FGD5: variants seen among roughly 807,000 people sequenced by gnomAD.
The protein encoded by FGD5 is FYVE, RhoGEF and PH domain containing 5, also known as FYVE, RhoGEF and PH domain-containing protein 5.
Under a neutral mutation model 133.4 loss-of-function variants are expected in FGD5, and 28 were observed. The ratio of observed to expected loss-of-function variants is 0.21; its 90% confidence interval spans 0.16 to 0.29. FGD5 has a LOEUF of 0.29. Ranked by LOEUF, FGD5 falls within the 10% of genes least tolerant of loss-of-function variation. FGD5 has a pLI of 1.00. For missense variants in FGD5, 1,858 were observed against 1,895.2 expected (o/e 0.98, Z 0.36); for synonymous variants, 810 against 776.5 (o/e 1.04, Z -0.72).
intron 11 of FGD5, among the ~76,000 whole-genome samples, chr3:14,913,347 C>G (rs1233506657): frequency 1.3e-5 from 2 of 152,230 alleles, no homozygotes; most frequent in Admixed American, 1.3e-4. Context: ...CCCTCTCTAT[C>G]TAGAGCTATA....
At chr3:14,897,457 A>G in intron 4 of FGD5, 52 bp from the exon 5 acceptor site, 1 of 1,563,930 alleles carries the variant, frequency 6.4e-7, no homozygotes, top group Non-Finnish European at 8.7e-7. Context: ...GCCAAGGAGG[A>G]CTTGTGCTCA....
At chr3:14,889,465 C>G (rs78190600) in intron 4 of FGD5, among the ~76,000 whole-genome samples, 2 of 152,124 alleles carry the variant, frequency 1.3e-5, no homozygotes, top group Admixed American at 1.3e-4. Context: ...TGTCTGTGCT[C>G]CTGTGCATGA....
upstream of FGD5, chr3:14,810,731 G>A (rs549281437): frequency 1.5e-3 from 1,336 of 886,208 alleles, 1 homozygote; most frequent in Admixed American, 5.8e-3. Flanking sequence ...GCCGGGGCCG[G>A]GCGGGCGCCA....
intron 1 of FGD5, among the ~76,000 whole-genome samples, chr3:14,839,154 G>A (rs143814440): frequency 6.6e-6 from 1 of 152,248 alleles, no homozygotes; most frequent in East Asian, 1.9e-4. Flanking sequence ...ACACTAGGAA[G>A]TGGGAAATGC....
At chr3:14,891,160 AGGCTGGGTC>A (rs2038018303) in intron 4 of FGD5, among the ~76,000 whole-genome samples, 1 of 152,128 alleles carries the variant, frequency 6.6e-6, no homozygotes, top group Admixed American at 6.5e-5. Flanking sequence ...GCAGGGCTGG[AGGCTGGGTC>A]CTAAATATGG....
intron 1 of FGD5, among the ~76,000 whole-genome samples, chr3:14,852,810 G>A (rs944862715): frequency 5.3e-5 from 8 of 152,186 alleles, no homozygotes; most frequent in African/African-American, 1.9e-4. Context: ...GGTGCAGGAG[G>A]CATTCTCTCC....
intron 4 of FGD5, among the ~76,000 whole-genome samples, chr3:14,889,224 G>T (rs773546225): frequency 3.5e-4 from 53 of 152,088 alleles, no homozygotes; most frequent in Non-Finnish European, 3.5e-4. Context: ...TGTAACTCTC[G>T]CCCGGATAGA....
At chr3:14,835,111 C>T (rs1274287123) in intron 1 of FGD5, among the ~76,000 whole-genome samples, 5 of 152,198 alleles carry the variant, frequency 3.3e-5, no homozygotes, top group South Asian at 4.1e-4. Flanking sequence ...CCCTGGCAAG[C>T]GTTGCCCCCG....
Position 14,922,625 on chromosome 3 carries a change from C to A in FGD5, c.3807+77C>A. On this transcript the variant is annotated intron_variant, in intron 15 of 19. Transcript: ENST00000285046. The surrounding 1 kb of genome is among the most constrained non-coding windows in gnomAD (Gnocchi z 4.1). The stretch of plus-strand genomic sequence containing the variant: ...GGGCATGTCCCTGCCCAGCCGGGGG[C>A]TCAGGGATGTCCAGCAGCTACTGTA... 1 of 1,506,504 alleles carries A rather than the reference C, an allele frequency of 6.6e-7. No homozygotes were observed. Among genetic ancestry groups the A allele is most frequent in the South Asian group, 1.3e-5 (1 of 79,898 alleles). The allele number at this position is 1,506,504 out of a possible 1,614,324, so 93.3% of individuals were successfully genotyped here. A position where few individuals can be genotyped will look rare whatever the true frequency, so the allele number is the denominator to read the frequency against.
chr3:14,891,501 T>TCAG, intron 4 of FGD5, among the ~76,000 whole-genome samples: 1 of 152,346 alleles, frequency 6.6e-6, no homozygotes, highest in African/African-American at 2.4e-5. Context: ...AGTTCAAGAC[T>TCAG]CAGCCCCTTG....
chr3:14,815,227 G>A (rs1323281362), upstream of FGD5, among the ~76,000 whole-genome samples: 1 of 152,168 alleles, frequency 6.6e-6, no homozygotes, highest in East Asian at 1.9e-4. Flanking sequence ...CGTCCCATCT[G>A]GCCTTGCCGG....
intron 17 of FGD5, among the ~76,000 whole-genome samples, chr3:14,924,607 G>C (rs938461178): frequency 2.0e-5 from 3 of 152,178 alleles, no homozygotes; most frequent in African/African-American, 7.2e-5. Context: ...TTGTATGTCT[G>C]TATTTCCATT....
In FGD5 at chr3:14,921,902, C is replaced by T. The variant is rs1392285711; in HGVS notation, c.3570-16C>T. Reference sequence around the variant, plus strand: ...GAGCTGCTCCTGCCTTTGCTCACTCCAGCCCATGCCCGCAGCTCCTGTGCA... The same window carrying T: ...GAGCTGCTCCTGCCTTTGCTCACTCTAGCCCATGCCCGCAGCTCCTGTGCA... On this transcript the variant is annotated splice_polypyrimidine_tract_variant and intron_variant, in intron 13 of 19. Transcript: ENST00000285046. The T allele has an allele frequency of 6.4e-7, 1 of 1,556,374 alleles. No homozygotes were observed. The highest frequency in any genetic ancestry group is 8.7e-7 in the Non-Finnish European group (1 of 1,149,644).
At chr3:14,848,003 G>A (rs2037082974) in intron 1 of FGD5, among the ~76,000 whole-genome samples, 1 of 152,188 alleles carries the variant, frequency 6.6e-6, no homozygotes, top group Non-Finnish European at 1.5e-5. Flanking sequence ...GCCAGCTGGA[G>A]CCCCGGGCCA....
At chr3:14,877,500 C>T (rs768598797) in intron 2 of FGD5, among the ~76,000 whole-genome samples, 1 of 152,226 alleles carries the variant, frequency 6.6e-6, no homozygotes, top group Non-Finnish European at 1.5e-5. Flanking sequence ...ATCATCTGAC[C>T]TCATCCTGGC....
chr3:14,917,947 C>G lies in FGD5; in HGVS notation c.3489+615C>G, dbSNP rs1224447561. On this transcript the variant is annotated intron_variant, in intron 12 of 19. Transcript: ENST00000285046. This position sits in a 1 kb window ranked among gnomAD's most constrained non-coding sequence, Gnocchi z 4.1. ...GTATTGATCCTTGTTTCACTTAGCACAGTGTCCTCAAGGTTGATCCCTGTC... is the reference window on the plus strand; with the variant it reads ...GTATTGATCCTTGTTTCACTTAGCAGAGTGTCCTCAAGGTTGATCCCTGTC... Among the ~76,000 whole-genome samples, 1 of 152,234 alleles carries G rather than the reference C, an allele frequency of 6.6e-6. No individual in the cohort carries two copies. Among genetic ancestry groups the G allele is most frequent in the Non-Finnish European group, 1.5e-5 (1 of 68,044 alleles).
At chr3:14,867,106 A>G (rs1190486899) in intron 2 of FGD5, among the ~76,000 whole-genome samples, 1 of 152,254 alleles carries the variant, frequency 6.6e-6, no homozygotes, top group East Asian at 1.9e-4. Context: ...TGCACAAGGC[A>G]TGCTCTACCA....
rs548711630 is a variant in FGD5, at chr3:14,917,452, A to G, written c.3489+120A>G. ...GCTGGAAGAGGGAGGCCCTGCGGAA[A>G]CAGTGTTGGGCTACAGCAAGTTTGT... is the stretch of plus-strand genomic sequence containing the variant. On this transcript the variant is annotated intron_variant, in intron 12 of 19. Transcript: ENST00000285046. The surrounding 1 kb of genome is among the most constrained non-coding windows in gnomAD (Gnocchi z 4.1). The G allele has an allele frequency of 6.7e-4, 594 of 882,866 alleles. 12 individuals carry two copies. The South Asian group carries it at 9.7e-3, about 14-fold the overall frequency. The allele number at this position is 882,866 out of a possible 1,614,324, so 54.7% of individuals were successfully genotyped here. A position where few individuals can be genotyped will look rare whatever the true frequency, so the allele number is the denominator to read the frequency against.
At chr3:14,834,537 C>T (rs2036777785) in intron 1 of FGD5, among the ~76,000 whole-genome samples, 1 of 152,240 alleles carries the variant, frequency 6.6e-6, no homozygotes, top group Non-Finnish European at 1.5e-5. Flanking sequence ...CATGAGTCCT[C>T]ACTCACAGGA....
Sources: allele counts gnomAD v4.1 joint callset (sites outside exome capture counted in the v4.1 genomes callset), GRCh38; gene constraint gnomAD v4.1.1; non-coding constraint Gnocchi (gnomAD v3.1); transcripts MANE v1.5; gene names NCBI Gene and HGNC (gene_info 2026-07-23, HGNC 2026-07-21).